Variants in GPR89B observed in about 807,000 individuals in gnomAD.
GPR89B encodes golgi pH regulator B, also known as G protein-coupled receptor 89B.
Under a neutral mutation model 52.4 loss-of-function variants are expected in GPR89B, and 25 were observed. The observed-to-expected ratio is 0.48, with a 90% CI of 0.35 to 0.67. GPR89B has a LOEUF of 0.67. Ranked by LOEUF, GPR89B falls within the 30% of genes least tolerant of loss-of-function variation. The pLI is 0.01. For synonymous variants in GPR89B, 52 were observed against 151.2 expected (o/e 0.34, Z 4.81); for missense variants, 146 against 450.2 (o/e 0.32, Z 6.11).
chr1:148,020,743 AG>A, the GPR89B span, among the ~76,000 whole-genome samples: 1 of 152,016 alleles, frequency 6.6e-6, no homozygotes, highest in African/African-American at 2.4e-5. Context: ...ATTGGAGTGC[AG>A]TTGCACGATC....
the GPR89B span, among the ~76,000 whole-genome samples, chr1:148,018,402 A>AG: frequency 7.3e-6 from 1 of 137,442 alleles, no homozygotes; most frequent in African/African-American, 2.9e-5. Context: ...CTGGGCAACA[A>AG]AGTGAGACTC....
rs1430765225 is a variant in GPR89B at position 147,991,233 on chromosome 1, G to T, written c.1096-1269G>T. On this transcript the variant is annotated intron_variant, in intron 12 of 13. Coordinates refer to ENST00000314163, the MANE Select transcript of GPR89B (RefSeq NM_016334.5). Reference sequence around the variant, plus strand: ...CAATTGTGAATGGGCGTTCACTCATGATTTGGCTCTCTGTTTGTCTGTTAT... The same window carrying T: ...CAATTGTGAATGGGCGTTCACTCATTATTTGGCTCTCTGTTTGTCTGTTAT... Among the ~76,000 whole-genome samples, 11 of 152,060 alleles carry T rather than the reference G, an allele frequency of 7.2e-5. No individual in the cohort carries two copies. In the East Asian group the frequency reaches 9.6e-4, roughly 13 times the overall value.
chr1:147,940,049 A>G (rs1654419159), intron 3 of GPR89B, among the ~76,000 whole-genome samples: 1 of 151,814 alleles, frequency 6.6e-6, no homozygotes, highest in Admixed American at 6.6e-5. Flanking sequence ...TAGAACAATG[A>G]ATAACATGTA....
intron 10 of GPR89B, among the ~76,000 whole-genome samples, chr1:147,970,838 G>A (rs1183049642): frequency 1.3e-5 from 2 of 149,814 alleles, no homozygotes; most frequent in African/African-American, 5.0e-5. Context: ...CTTTACCTCT[G>A]ACTCAGGTAT....
At chr1:148,005,946 T>A in the GPR89B span, among the ~76,000 whole-genome samples, 3 of 152,078 alleles carry the variant, frequency 2.0e-5, no homozygotes, top group African/African-American at 4.8e-5. Flanking sequence ...ACTGCTTTGC[T>A]TACACCACCC....
intron 10 of GPR89B, among the ~76,000 whole-genome samples, chr1:147,971,213 G>A (rs1571294049): frequency 2.0e-5 from 3 of 151,322 alleles, no homozygotes; most frequent in Admixed American, 6.6e-5. Context: ...GCAGTGGTGC[G>A]ATCTCAGCTC....
chr1:147,981,974 G>A (rs1233624448), intron 10 of GPR89B, among the ~76,000 whole-genome samples: 1 of 151,730 alleles, frequency 6.6e-6, no homozygotes, highest in East Asian at 1.9e-4. Context: ...TTTTATGTGA[G>A]TATATGTTTT....
At chr1:147,934,844 T>C (rs1178134855) in intron 1 of GPR89B, among the ~76,000 whole-genome samples, 6 of 152,212 alleles carry the variant, frequency 3.9e-5, no homozygotes, top group Non-Finnish European at 7.3e-5. Flanking sequence ...GCACTTAGCA[T>C]AGCACATAGG....
chr1:148,019,707 C>T, the GPR89B span, among the ~76,000 whole-genome samples: 2,944 of 152,126 alleles, frequency 0.019, 118 homozygotes, highest in African/African-American at 0.059. Flanking sequence ...GAATATCCGA[C>T]AAAAGTAAAC....
the GPR89B span, among the ~76,000 whole-genome samples, chr1:148,025,253 T>G: frequency 6.6e-6 from 1 of 151,874 alleles, no homozygotes; most frequent in Non-Finnish European, 1.5e-5. Context: ...AGCCAGGCAC[T>G]TCGGCTCAGG....
At chr1:147,955,362 C>T (rs1181806123) in intron 7 of GPR89B, among the ~76,000 whole-genome samples, 11 of 152,084 alleles carry the variant, frequency 7.2e-5, no homozygotes, top group Admixed American at 3.9e-4. Flanking sequence ...CTGCAGTGAA[C>T]ATAGGTGTAC....
chr1:148,013,300 C>T, the GPR89B span, among the ~76,000 whole-genome samples: 3 of 152,102 alleles, frequency 2.0e-5, no homozygotes, highest in Non-Finnish European at 2.9e-5. Flanking sequence ...GGCGTTCCTG[C>T]CCCGCAAGCC....
chr1:147,956,860 C>T (rs1656155026), intron 7 of GPR89B, among the ~76,000 whole-genome samples: 1 of 151,850 alleles, frequency 6.6e-6, no homozygotes, highest in African/African-American at 2.4e-5. Flanking sequence ...GCCTCAGCCT[C>T]CCGAGTATCT....
chr1:148,020,168 AC>A, the GPR89B span, among the ~76,000 whole-genome samples: 1 of 144,446 alleles, frequency 6.9e-6, no homozygotes, highest in African/African-American at 2.7e-5. Flanking sequence ...AGAACTTTCC[AC>A]AGGCTCACAC....
chr1:147,976,072 T>C (rs1421674161), intron 10 of GPR89B, among the ~76,000 whole-genome samples: 1 of 152,284 alleles, frequency 6.6e-6, no homozygotes, highest in Admixed American at 6.5e-5. Flanking sequence ...CTACTTCCAA[T>C]TATGTGATCA....
chr1:147,971,618 A>G (rs1440942098), intron 10 of GPR89B, among the ~76,000 whole-genome samples: 2 of 151,480 alleles, frequency 1.3e-5, no homozygotes, highest in Non-Finnish European at 2.9e-5. Flanking sequence ...CTGGGACTAC[A>G]GGTGTGTGCC....
At chr1:147,949,564 G>A (rs1217346874) in intron 5 of GPR89B, among the ~76,000 whole-genome samples, 3 of 135,992 alleles carry the variant, frequency 2.2e-5, no homozygotes, top group South Asian at 4.5e-4. Flanking sequence ...GCGGCTGGCC[G>A]GGCGGGGGGC....
rs1438612812 is a variant in GPR89B at position 147,949,883 on chromosome 1, C to T, written c.416-3462C>T. Among the ~76,000 whole-genome samples the T allele has an allele frequency of 7.8e-5, 10 of 127,966 alleles. No individual in the cohort carries two copies. The South Asian group carries it at 1.2e-3, about 16-fold the overall frequency. 84.0% of individuals were successfully genotyped at this position (127,966 alleles called of 152,430 possible). On this transcript the variant is annotated intron_variant, in intron 5 of 13. Transcript: ENST00000314163. ...CCCAGTAGGGGCGGCCGGGCAGAGG[C>T]GCCCCTCACCTCCCGGACGGGGCGG... is the stretch of plus-strand genomic sequence containing the variant.
chr1:148,002,228 A>G, the GPR89B span, among the ~76,000 whole-genome samples: 3,370 of 151,992 alleles, frequency 0.022, 60 homozygotes, highest in Non-Finnish European at 0.036. Context: ...CCAGTCACCA[A>G]CACTTGGCAA....
Sources: gnomAD v4.1 joint callset for allele counts (sites outside exome capture counted in the v4.1 genomes callset) on GRCh38, gnomAD v4.1.1 for gene constraint, MANE v1.5 for transcripts, NCBI Gene and HGNC (gene_info 2026-07-23, HGNC 2026-07-21) for gene names.